Variants in NAALADL2 observed in about 807,000 individuals in gnomAD.
NAALADL2 encodes N-acetylated alpha-linked acidic dipeptidase like 2.
NAALADL2 carries 76 observed loss-of-function variants against 87.2 expected under a neutral mutation model. That is an observed-to-expected ratio of 0.87 (90% confidence interval 0.72 to 1.05). The LOEUF (loss-of-function observed/expected upper bound fraction) is 1.05. Among genes scored for constraint, NAALADL2 ranks in the 50% least tolerant of loss-of-function variants. The pLI is 0.00. For synonymous variants in NAALADL2, 354 were observed against 331.0 expected (o/e 1.07, Z -0.75); for missense variants, 1,089 against 945.8 (o/e 1.15, Z -1.99).
rs1220052674 is a variant in NAALADL2 at position 175,803,881 on chromosome 3, T to A, written c.*678T>A. 1 of 152,376 alleles carries A rather than the reference T, an allele frequency of 6.6e-6. No homozygotes were observed. The highest frequency in any genetic ancestry group is 1.5e-5 in the Non-Finnish European group (1 of 67,884). The allele number at this position is 152,376 out of a possible 1,614,324, so 9.4% of individuals were successfully genotyped here. A position where few individuals can be genotyped will look rare whatever the true frequency, so the allele number is the denominator to read the frequency against. On this transcript the variant is annotated 3_prime_UTR_variant, in exon 14 of 14. Coordinates refer to ENST00000454872, the MANE Select transcript of NAALADL2 (RefSeq NM_207015.3). ...AAATGCAAATTTTTTTCCTAACAACTTACAAGGTGACTAGCTTTGAAACCC... is the reference window on the plus strand; with the variant it reads ...AAATGCAAATTTTTTTCCTAACAACATACAAGGTGACTAGCTTTGAAACCC...
intron 2 of NAALADL2, among the ~76,000 whole-genome samples, chr3:174,659,533 T>C (rs1725312666): frequency 6.6e-6 from 1 of 152,214 alleles, no homozygotes; most frequent in South Asian, 2.1e-4. Context: ...GTGCTGATTC[T>C]TTCCTTTTTT....
At chr3:174,897,532 A>T (rs1311778014) in intron 1 of NAALADL2, among the ~76,000 whole-genome samples, 2 of 152,176 alleles carry the variant, frequency 1.3e-5, no homozygotes, top group South Asian at 2.1e-4. Flanking sequence ...GCTGGCAAGG[A>T]TGTGGAGAAA....
intron 1 of NAALADL2, among the ~76,000 whole-genome samples, chr3:174,882,491 A>G (rs1236732622): frequency 1.3e-5 from 2 of 151,230 alleles, no homozygotes; most frequent in Non-Finnish European, 3.0e-5. Flanking sequence ...ACATATGTGC[A>G]TATACATATA....
intron 1 of NAALADL2, among the ~76,000 whole-genome samples, chr3:175,092,090 T>C (rs930824894): frequency 1.3e-5 from 2 of 151,956 alleles, no homozygotes; most frequent in African/African-American, 4.8e-5. Flanking sequence ...TGTGTTAGAC[T>C]ATGTTTTGAG....
chr3:174,578,225 C>A (rs1715761448), intron 2 of NAALADL2, among the ~76,000 whole-genome samples: 1 of 151,886 alleles, frequency 6.6e-6, no homozygotes, highest in South Asian at 2.1e-4. Flanking sequence ...TGAAAATATA[C>A]TTGCCAAAAA....
At position 175,256,429 on chromosome 3, in the gene NAALADL2, A is replaced by G. The variant is rs758103286; in HGVS notation, c.838A>G (p.Ser280Gly). 16 of 1,610,244 alleles carry G rather than the reference A, an allele frequency of 9.9e-6. No homozygotes were observed. The South Asian group carries it at 9.9e-5, about 10-fold the overall frequency. ...GTLKAEVIDV[S>G]YGMADDLKRI... ...CTTTCAGGCTGAAGTCATCGATGTG[A>G]GTTATGGAATGGCAGATGATTTAAA... The change falls in exon 4 of 14, where the codon AGT (serine) becomes GGT (glycine). Residue 280 changes from serine to glycine, a missense_variant. Transcript: ENST00000454872.
chr3:174,576,825 T>C, intron 2 of NAALADL2, among the ~76,000 whole-genome samples: 1 of 152,214 alleles, frequency 6.6e-6, no homozygotes, highest in East Asian at 1.9e-4. Flanking sequence ...ATTTCATTGG[T>C]ATGCCATTTC....
intron 13 of NAALADL2, among the ~76,000 whole-genome samples, chr3:175,801,730 C>T (rs1196924714): frequency 6.6e-6 from 1 of 151,916 alleles, no homozygotes; most frequent in Non-Finnish European, 1.5e-5. Context: ...ACCTGTTTGC[C>T]TCCCTTATTA....
chr3:175,737,623 T>C (rs1429416420), intron 12 of NAALADL2, among the ~76,000 whole-genome samples: 1 of 151,486 alleles, frequency 6.6e-6, no homozygotes, highest in African/African-American at 2.4e-5. Flanking sequence ...TTTTGAAGGA[T>C]GGCCCATCTA....
At chr3:175,687,999 C>T (rs1409239465) in intron 11 of NAALADL2, among the ~76,000 whole-genome samples, 1 of 152,006 alleles carries the variant, frequency 6.6e-6, no homozygotes, top group Admixed American at 6.6e-5. Flanking sequence ...TGTAAATTAC[C>T]CAGTTTTCAG....
chr3:175,751,780 A>G (rs966901416), intron 12 of NAALADL2, among the ~76,000 whole-genome samples: 3 of 152,104 alleles, frequency 2.0e-5, no homozygotes, highest in African/African-American at 7.2e-5. Flanking sequence ...AACCCGTACT[A>G]TGAACAGCCT....
intron 10 of NAALADL2, among the ~76,000 whole-genome samples, chr3:175,602,423 CATA>C (rs1314967392): frequency 6.6e-6 from 1 of 151,034 alleles, no homozygotes; most frequent in Non-Finnish European, 1.5e-5. Context: ...TGTATGTAAA[CATA>C]ATATGTTATG....
rs575314930 is a variant in NAALADL2, at chr3:175,049,268, C to T, written c.44-47522C>T. On this transcript the variant is annotated intron_variant, in intron 1 of 13. Coordinates refer to ENST00000454872, the MANE Select transcript of NAALADL2 (RefSeq NM_207015.3). ...GGATATGCTAGACCAAGGGATTATTCACACACTGGGTAAATGGAAGTGGGA... is the reference window on the plus strand; with the variant it reads ...GGATATGCTAGACCAAGGGATTATTTACACACTGGGTAAATGGAAGTGGGA... Among the ~76,000 whole-genome samples, 26 of 152,202 alleles carry T rather than the reference C, an allele frequency of 1.7e-4. 1 individual carries two copies. The South Asian group carries it at 5.2e-3, about 30-fold the overall frequency.
In NAALADL2 at chr3:175,804,649, A is replaced by G. The variant is rs980677331; in HGVS notation, c.*1446A>G. The G allele has an allele frequency of 4.0e-5, 6 of 151,804 alleles. No individual in the cohort carries two copies. The highest frequency in any genetic ancestry group is 8.8e-5 in the Non-Finnish European group (6 of 67,812). The allele number at this position is 151,804 out of a possible 1,614,324, so 9.4% of individuals were successfully genotyped here. A position where few individuals can be genotyped will look rare whatever the true frequency, so the allele number is the denominator to read the frequency against. ...CCCCATGATACACCGCCAGAGTGACATTGCAGACAGTCTGTGTATGTTTAA... is the reference window on the plus strand; with the variant it reads ...CCCCATGATACACCGCCAGAGTGACGTTGCAGACAGTCTGTGTATGTTTAA... On this transcript the variant is annotated 3_prime_UTR_variant, in exon 14 of 14. Coordinates refer to ENST00000454872, the MANE Select transcript of NAALADL2 (RefSeq NM_207015.3).
chr3:174,732,303 T>C (rs961234030), intron 2 of NAALADL2, among the ~76,000 whole-genome samples: 5 of 152,174 alleles, frequency 3.3e-5, no homozygotes, highest in Middle Eastern at 3.4e-3. Context: ...ATAGATTTTA[T>C]GAAATAAGCG....
At chr3:175,013,732 T>A (rs1750458663) in intron 1 of NAALADL2, among the ~76,000 whole-genome samples, 2 of 152,092 alleles carry the variant, frequency 1.3e-5, no homozygotes, top group Non-Finnish European at 2.9e-5. Context: ...TTCTAGTCCA[T>A]CCAGAAGCGG....
intron 10 of NAALADL2, among the ~76,000 whole-genome samples, chr3:175,591,138 G>C (rs1278957743): frequency 6.6e-6 from 1 of 152,164 alleles, no homozygotes; most frequent in Non-Finnish European, 1.5e-5. Flanking sequence ...TAGGTGGGTG[G>C]ATGGGGTTAG....
chr3:175,315,213 T>G (rs1367639496), intron 4 of NAALADL2, among the ~76,000 whole-genome samples: 1 of 152,172 alleles, frequency 6.6e-6, no homozygotes, highest in African/African-American at 2.4e-5. Flanking sequence ...TCTAGCACCC[T>G]GTATCAGGCA....
intron 2 of NAALADL2, among the ~76,000 whole-genome samples, chr3:175,130,359 C>T (rs571725841): frequency 2.5e-4 from 38 of 152,150 alleles, no homozygotes; most frequent in African/African-American, 8.9e-4. Flanking sequence ...TGTAGTCCCA[C>T]TTGTTTATTT....
Sources: allele counts gnomAD v4.1 joint callset (sites outside exome capture counted in the v4.1 genomes callset), GRCh38; gene constraint gnomAD v4.1.1; transcripts MANE v1.5; gene names NCBI Gene and HGNC (gene_info 2026-07-23, HGNC 2026-07-21).